The following ZNF532 variants were observed in gnomAD, a reference collection of about 807,000 sequenced individuals.
ZNF532 encodes zinc finger protein 532.
Under a neutral mutation model 89.3 loss-of-function variants are expected in ZNF532, and 22 were observed. The observed-to-expected ratio is 0.25, with a 90% CI of 0.18 to 0.35. ZNF532 has a LOEUF of 0.35. Among genes scored for constraint, ZNF532 ranks in the 10% least tolerant of loss-of-function variants. The probability of loss-of-function intolerance (pLI) is 1.00; values close to 1 mark genes in which losing one functional copy is unlikely to be tolerated. For synonymous variants in ZNF532, 606 were observed against 649.6 expected (o/e 0.93, Z 1.02); for missense variants, 1,132 against 1,643.4 (o/e 0.69, Z 5.38).
intron 6 of ZNF532, 183 bp from the exon 7 acceptor site, chr18:58,953,335 A>G (rs992214477): frequency 7.0e-6 from 4 of 569,806 alleles, no homozygotes; most frequent in African/African-American, 1.9e-5. Flanking sequence ...TGCATAACGT[A>G]TAGCAGACTT....
At chr18:58,971,482 G>T (rs1178669185) in intron 7 of ZNF532, among the ~76,000 whole-genome samples, 1 of 152,124 alleles carries the variant, frequency 6.6e-6, no homozygotes, top group Non-Finnish European at 1.5e-5. Context: ...ACACAGCCAC[G>T]CCCATTCATT....
At chr18:58,880,151 T>C (rs552598593) in intron 2 of ZNF532, among the ~76,000 whole-genome samples, 4 of 152,250 alleles carry the variant, frequency 2.6e-5, no homozygotes, top group South Asian at 2.1e-4. Context: ...GAGAAGAAAG[T>C]GTGCAGAGGC....
intron 7 of ZNF532, among the ~76,000 whole-genome samples, chr18:58,967,965 G>A (rs2066096183): frequency 1.3e-5 from 2 of 152,192 alleles, no homozygotes; most frequent in Admixed American, 6.5e-5. Flanking sequence ...TGCACATGAA[G>A]TACAGCACAT....
At chr18:58,952,353 G>A (rs2064295034) in intron 6 of ZNF532, among the ~76,000 whole-genome samples, 1 of 152,112 alleles carries the variant, frequency 6.6e-6, no homozygotes, top group Non-Finnish European at 1.5e-5. Flanking sequence ...ATTGTATATT[G>A]TATACAGAGG....
chr18:58,952,443 T>G lies in ZNF532; in HGVS notation c.2869-1075T>G, dbSNP rs536317999. On this transcript the variant is annotated intron_variant, in intron 6 of 9. Coordinates refer to ENST00000591808, the MANE Select transcript of ZNF532 (RefSeq NM_001375912.1). Reference sequence around the variant, plus strand: ...TTTTTGAGACAGGGTCTTGCTCTGTTGCCCAGGCTAGAGTGCAGTGGTGTG... The same window carrying G: ...TTTTTGAGACAGGGTCTTGCTCTGTGGCCCAGGCTAGAGTGCAGTGGTGTG... Among the ~76,000 whole-genome samples the G allele has an allele frequency of 2.0e-5, 3 of 152,348 alleles. No homozygotes were observed. The South Asian group carries it at 6.2e-4, about 32-fold the overall frequency.
At chr18:58,908,561 A>AAT (rs1217724988) in intron 2 of ZNF532, among the ~76,000 whole-genome samples, 5 of 152,378 alleles carry the variant, frequency 3.3e-5, no homozygotes, top group African/African-American at 1.2e-4. Context: ...GGAAAAGTGA[A>AAT]ATACAGTAAG....
At chr18:58,946,396 G>A (rs749898312) in intron 5 of ZNF532, among the ~76,000 whole-genome samples, 22 of 150,754 alleles carry the variant, frequency 1.5e-4, no homozygotes, top group Non-Finnish European at 2.7e-4. Flanking sequence ...GGGCCCAAGC[G>A]ATTCTTGTGC....
intron 7 of ZNF532, chr18:58,977,816 C>T (rs1426924527): frequency 6.6e-6 from 1 of 152,186 alleles, no homozygotes; most frequent in Non-Finnish European, 1.5e-5. Flanking sequence ...CCGCTGCACT[C>T]CAGCCTAGGC....
rs2058834997 is a variant in ZNF532 at position 58,890,716 on chromosome 18, CCTT to C, written c.-18+25141_-18+25143del. Among the ~76,000 whole-genome samples, 3 of 152,020 alleles carry C rather than the reference CCTT, an allele frequency of 2.0e-5. No individual in the cohort carries two copies. In the South Asian group the frequency reaches 6.3e-4, roughly 32 times the overall value. On this transcript the variant is annotated intron_variant, in intron 2 of 9. Transcript: ENST00000591808. ...TGTATGCCCAGTCTGTTCCCTCTCCCCTTCTTTTTCTCCATCCTGCCCTCTAGC... is the reference window on the plus strand; with the variant it reads ...TGTATGCCCAGTCTGTTCCCTCTCCCCTTTTTCTCCATCCTGCCCTCTAGC...
intron 2 of ZNF532, among the ~76,000 whole-genome samples, chr18:58,867,280 G>C (rs1303618897): frequency 1.3e-5 from 2 of 152,116 alleles, no homozygotes; most frequent in South Asian, 4.1e-4. Context: ...CTGGTTTTCT[G>C]TCTTGGTGGT....
At chr18:58,904,402 G>A (rs2059793424) in intron 2 of ZNF532, among the ~76,000 whole-genome samples, 2 of 151,678 alleles carry the variant, frequency 1.3e-5, no homozygotes, top group Non-Finnish European at 2.9e-5. Flanking sequence ...TTTATGTTTT[G>A]TGTGTTTTAC....
At chr18:58,878,688 C>T (rs577348387) in intron 2 of ZNF532, among the ~76,000 whole-genome samples, 2 of 152,312 alleles carry the variant, frequency 1.3e-5, no homozygotes, top group African/African-American at 2.4e-5. Flanking sequence ...AAAGTTCATA[C>T]GAGAAGGCTC....
chr18:58,888,710 T>A (rs1302057991), intron 2 of ZNF532, among the ~76,000 whole-genome samples: 2 of 12,542 alleles, frequency 1.6e-4, no homozygotes, highest in African/African-American at 6.9e-4. Context: ...TATATATATA[T>A]ATATATATAT....
At position 58,984,657 on chromosome 18, in the gene ZNF532, G is replaced by C. The variant is rs2068230260; in HGVS notation, c.*191G>C. ...ATTAAAACAGTATTTGAGTTTAAAA[G>C]AGTTTGTATATATTTAAATGAATAA... On this transcript the variant is annotated 3_prime_UTR_variant, in exon 10 of 10. Coordinates refer to ENST00000591808, the MANE Select transcript of ZNF532 (RefSeq NM_001375912.1). 3.4e-6 allele frequency: 2 copies of C among 590,740 alleles called. No homozygotes were observed. 36.6% of individuals were successfully genotyped at this position (590,740 alleles called of 1,614,324 possible). A position where few individuals can be genotyped will look rare whatever the true frequency, so the allele number is the denominator to read the frequency against.
intron 3 of ZNF532, among the ~76,000 whole-genome samples, chr18:58,928,927 C>G (rs1248552544): frequency 6.6e-6 from 1 of 152,188 alleles, no homozygotes; most frequent in African/African-American, 2.4e-5. Flanking sequence ...GCTTCACCTC[C>G]TCTTAAAACC....
At chr18:58,880,237 T>A (rs2057776223) in intron 2 of ZNF532, among the ~76,000 whole-genome samples, 1 of 152,216 alleles carries the variant, frequency 6.6e-6, no homozygotes, top group African/African-American at 2.4e-5. Context: ...GCAGTGAAGA[T>A]GAGCTAACGG....
At chr18:58,863,748 G>T (rs934544422), upstream of ZNF532, 10 of 151,616 alleles carry the variant, frequency 6.6e-5, no homozygotes, top group Non-Finnish European at 1.0e-4. Context: ...CCCCGGGAAG[G>T]GGGTGGGTGT....
intron 2 of ZNF532, among the ~76,000 whole-genome samples, chr18:58,883,087 G>C (rs998142568): frequency 6.6e-6 from 1 of 152,168 alleles, no homozygotes; most frequent in Non-Finnish European, 1.5e-5. Context: ...AATGAAAACT[G>C]AGAGAGGGCC....
intron 7 of ZNF532, among the ~76,000 whole-genome samples, chr18:58,961,763 AG>A (rs1372041593): frequency 3.9e-5 from 6 of 152,222 alleles, no homozygotes; most frequent in Non-Finnish European, 1.5e-5. Flanking sequence ...GTTGGGGTTA[AG>A]GGGAGCTTTG....
Sources: gnomAD v4.1 joint callset for allele counts (sites outside exome capture counted in the v4.1 genomes callset) on GRCh38, gnomAD v4.1.1 for gene constraint, MANE v1.5 for transcripts, NCBI Gene and HGNC (gene_info 2026-07-23, HGNC 2026-07-21) for gene names.